The following ANKFN1 variants were observed in gnomAD, a reference collection of about 807,000 sequenced individuals.
ANKFN1 encodes the protein ankyrin repeat and fibronectin type-III domain-containing protein 1.
A neutral mutation model predicts 108.7 loss-of-function variants in ANKFN1; 74 were observed. The observed-to-expected ratio is 0.68, with a 90% CI of 0.56 to 0.83. The LOEUF (loss-of-function observed/expected upper bound fraction) is 0.83. Among genes scored for constraint, ANKFN1 ranks in the 40% least tolerant of loss-of-function variants. The pLI, the probability that ANKFN1 is intolerant of heterozygous loss-of-function variation, is 0.00. For synonymous variants in ANKFN1, 547 were observed against 516.2 expected (o/e 1.06, Z -0.81); for missense variants, 1,505 against 1,382.3 (o/e 1.09, Z -1.41).
chr17:56,230,726 A>T (rs1319102222), intron 3 of ANKFN1, among the ~76,000 whole-genome samples: 1 of 152,074 alleles, frequency 6.6e-6, no homozygotes, highest in Non-Finnish European at 1.5e-5. Flanking sequence ...AAGAAACCTG[A>T]ATTATCTAGA....
Position 56,498,977 on chromosome 17 carries a change from G to A in ANKFN1, c.2523G>A (p.Lys841=). ...CAGTTTCTGGCTTGCCCATCACTAA[G>A]CTGATAGACCCCTCAGATGAGCAGA... ...KQPVSGLPIT[K]LIDPSDEQSL... The change falls in exon 20 of 21, where the codon AAG becomes AAA. Residue 841 remains lysine (K), a synonymous_variant. Transcript: ENST00000682825. The A allele has an allele frequency of 6.5e-7, 1 of 1,535,732 alleles. No individual in the cohort carries two copies.
chr17:56,196,463 G>C (rs1308026649), intron 1 of ANKFN1, among the ~76,000 whole-genome samples: 1 of 152,140 alleles, frequency 6.6e-6, no homozygotes. Context: ...GCCAGGCGTG[G>C]TGGCTCACAT....
At chr17:56,164,731 C>T (rs947850700) in intron 1 of ANKFN1, among the ~76,000 whole-genome samples, 7 of 152,182 alleles carry the variant, frequency 4.6e-5, no homozygotes, top group Admixed American at 3.3e-4. Flanking sequence ...GGCCTCTTAT[C>T]ATAAAGTTCA....
chr17:56,346,700 A>G lies in ANKFN1; in HGVS notation c.189-4066A>G, dbSNP rs928488760. Among the ~76,000 whole-genome samples, 4 of 151,598 alleles carry G rather than the reference A, an allele frequency of 2.6e-5. No individual in the cohort carries two copies. The Admixed American group carries it at 2.6e-4, about 10-fold the overall frequency. ...TGTTATGGAGAAAGGGACTTTTGGAAGTCCTTTCTCTGCCATTCCCATTGA... is the reference window on the plus strand; with the variant it reads ...TGTTATGGAGAAAGGGACTTTTGGAGGTCCTTTCTCTGCCATTCCCATTGA... On this transcript the variant is annotated intron_variant, in intron 4 of 20. Coordinates refer to ENST00000682825, the MANE Select transcript of ANKFN1 (RefSeq NM_001370326.1).
Position 56,100,317 on chromosome 17 carries a change from A to C in ANKFN1, c.288+53992A>C, listed in dbSNP as rs1238568119. Among the ~76,000 whole-genome samples the C allele has an allele frequency of 4.6e-5, 7 of 152,180 alleles. No homozygotes were observed. The East Asian group carries it at 1.4e-3, about 29-fold the overall frequency. ...GGAGCTCCTAGGATTTTAAGGTTAG[A>C]TGTCTGTGCCATTCAACTTTTCTGA... On this transcript the variant is annotated intron_variant, in intron 4 of 12. Coordinates refer to the ANKFN1 transcript ENST00000635860.
chr17:56,075,044 A>G (rs1414154253), intron 4 of ANKFN1, among the ~76,000 whole-genome samples: 1 of 152,224 alleles, frequency 6.6e-6, no homozygotes, highest in African/African-American at 2.4e-5. Context: ...TAAAAATGAT[A>G]TGGAACTTAC....
intron 4 of ANKFN1, among the ~76,000 whole-genome samples, chr17:56,056,180 G>T (rs1904874265): frequency 6.6e-6 from 1 of 151,754 alleles, no homozygotes; most frequent in Non-Finnish European, 1.5e-5. Flanking sequence ...TTGGTTGGTT[G>T]TTTACTCAGT....
chr17:56,063,762 C>G (rs532113959), intron 4 of ANKFN1, among the ~76,000 whole-genome samples: 1 of 152,182 alleles, frequency 6.6e-6, no homozygotes, highest in South Asian at 2.1e-4. Context: ...ATTCATCCAT[C>G]TCATTCTCCA....
At chr17:56,454,204 CT>C (rs2049599313) in intron 11 of ANKFN1, among the ~76,000 whole-genome samples, 1 of 151,982 alleles carries the variant, frequency 6.6e-6, no homozygotes, top group Admixed American at 6.6e-5. Flanking sequence ...TTTTGCCTTA[CT>C]TTCTTGGAGA....
At chr17:56,168,255 A>C (rs1049173783) in intron 1 of ANKFN1, among the ~76,000 whole-genome samples, 1 of 145,214 alleles carries the variant, frequency 6.9e-6, no homozygotes, top group African/African-American at 2.7e-5. Context: ...AGACTCTGTC[A>C]CAAAAAAAAA....
At chr17:56,107,691 CCTT>C (rs1905777583) in intron 4 of ANKFN1, among the ~76,000 whole-genome samples, 1 of 152,126 alleles carries the variant, frequency 6.6e-6, no homozygotes, top group Non-Finnish European at 1.5e-5. Context: ...TCCACATTAG[CCTT>C]CTTCTGGCAG....
rs548166285 is a variant in ANKFN1, at chr17:56,278,160, T to TTA, written c.54-48057_54-48056dup. On this transcript the variant is annotated intron_variant, in intron 3 of 20. Transcript: ENST00000682825. ...ACAATATCAGAATGATCAAAGCAGC[T>TTA]TATATCTCACATTGAATGAAGCCTT... Among the ~76,000 whole-genome samples, 14 of 152,338 alleles carry TTA rather than the reference T, an allele frequency of 9.2e-5. No homozygotes were observed. The South Asian group carries it at 2.1e-3, about 23-fold the overall frequency.
At chr17:56,070,345 G>C (rs1163727212) in intron 4 of ANKFN1, among the ~76,000 whole-genome samples, 1 of 152,152 alleles carries the variant, frequency 6.6e-6, no homozygotes, top group African/African-American at 2.4e-5. Context: ...TTGGCATGGA[G>C]CTGTGTGACT....
intron 3 of ANKFN1, among the ~76,000 whole-genome samples, chr17:56,267,550 T>G (rs996029125): frequency 6.6e-6 from 1 of 152,214 alleles, no homozygotes; most frequent in African/African-American, 2.4e-5. Context: ...GTTTTTAATC[T>G]ATCTTGAGTT....
chr17:56,449,471 C>T (rs539965146), intron 11 of ANKFN1, among the ~76,000 whole-genome samples: 1 of 152,152 alleles, frequency 6.6e-6, no homozygotes, highest in African/African-American at 2.4e-5. Flanking sequence ...CGGAATTGTC[C>T]CTTCACAAGA....
intron 8 of ANKFN1, among the ~76,000 whole-genome samples, chr17:56,393,884 G>C (rs2047506339): frequency 6.6e-6 from 1 of 152,184 alleles, no homozygotes; most frequent in Admixed American, 6.5e-5. Context: ...GGAGTTCCTA[G>C]CCAAGCAGTG....
intron 17 of ANKFN1, among the ~76,000 whole-genome samples, chr17:56,481,512 G>A (rs201584152): frequency 8.0e-4 from 81 of 101,088 alleles, no homozygotes; most frequent in Middle Eastern, 5.4e-3. Flanking sequence ...ACACACACAC[G>A]CACACACACA....
rs2044849133 is a variant in ANKFN1 at position 56,307,018 on chromosome 17, TAGCCATATGTAGAAAGCTGA to T, written c.54-19201_54-19182del. On this transcript the variant is annotated intron_variant, in intron 3 of 20. Transcript: ENST00000682825. The stretch of plus-strand genomic sequence containing the variant: ...AATAAATGGTGCTGGGAAAACTGGC[TAGCCATATGTAGAAAGCTGA>T]AACTGGATCCCTTCCTTACACCTTA... Among the ~76,000 whole-genome samples, 3 of 152,190 alleles carry T rather than the reference TAGCCATATGTAGAAAGCTGA, an allele frequency of 2.0e-5. No individual in the cohort carries two copies. In the South Asian group the frequency reaches 6.2e-4, roughly 32 times the overall value.
At chr17:56,268,262 A>C (rs1466892798) in intron 3 of ANKFN1, among the ~76,000 whole-genome samples, 1 of 152,244 alleles carries the variant, frequency 6.6e-6, no homozygotes, top group East Asian at 1.9e-4. Context: ...TAAAAATAGA[A>C]ATCAATACCA....
Sources: gnomAD v4.1 joint callset for allele counts (sites outside exome capture counted in the v4.1 genomes callset) on GRCh38, gnomAD v4.1.1 for gene constraint, MANE v1.5 for transcripts, NCBI Gene and HGNC (gene_info 2026-07-23, HGNC 2026-07-21) for gene names.